PRTFDC1: variants seen among roughly 807,000 people sequenced by gnomAD.
PRTFDC1 encodes phosphoribosyltransferase domain-containing protein 1.
A neutral mutation model predicts 34.6 loss-of-function variants in PRTFDC1; 38 were observed. The observed-to-expected ratio is 1.10, with a 90% CI of 0.85 to 1.44. The LOEUF (loss-of-function observed/expected upper bound fraction) is 1.44. PRTFDC1 is among the 40% of genes most tolerant of loss of function. The pLI is 0.00. For missense variants in PRTFDC1, 270 were observed against 283.0 expected (o/e 0.95, Z 0.33); for synonymous variants, 93 against 98.1 (o/e 0.95, Z 0.31).
chr10:24,875,775 C>G lies in PRTFDC1; in HGVS notation c.340-3712G>C, dbSNP rs1049865586. Among the ~76,000 whole-genome samples, 4 of 151,128 alleles carry G rather than the reference C, an allele frequency of 2.6e-5. No homozygotes were observed. In the South Asian group the frequency reaches 6.3e-4, roughly 24 times the overall value. On this transcript the variant is annotated intron_variant, in intron 3 of 8. Coordinates refer to ENST00000320152, the MANE Select transcript of PRTFDC1 (RefSeq NM_020200.7). ...CATGTCTACTTCAACATTAATTAAT[C>G]TAACATGTCCAATTAATTAATCTAA... is the stretch of plus-strand genomic sequence containing the variant.
intron 1 of PRTFDC1, among the ~76,000 whole-genome samples, chr10:24,947,586 T>C (rs983146384): frequency 6.6e-6 from 1 of 152,204 alleles, no homozygotes; most frequent in African/African-American, 2.4e-5. Context: ...ATTCTCTTTT[T>C]CGCACTGAAG....
chr10:24,872,978 A>AT (rs1847903844), intron 3 of PRTFDC1, among the ~76,000 whole-genome samples: 1 of 150,950 alleles, frequency 6.6e-6, no homozygotes, highest in Non-Finnish European at 1.5e-5. Context: ...TGCCTGGCTA[A>AT]TTTTTTTCTT....
In PRTFDC1 at chr10:24,872,094, A is replaced by G. The variant is rs768463878; in HGVS notation, c.340-31T>C. ...AAAAAGAAGAAAAAAAAGGGAGACAATTTTACCGCACAAGAAAACCTTTAA... is the reference window on the plus strand; with the variant it reads ...AAAAAGAAGAAAAAAAAGGGAGACAGTTTTACCGCACAAGAAAACCTTTAA... On this transcript the variant is annotated intron_variant, in intron 3 of 8. Transcript: ENST00000320152. 3.9e-6 allele frequency: 6 copies of G among 1,550,638 alleles called. No individual in the cohort carries two copies. In the Admixed American group the frequency reaches 8.4e-5, roughly 22 times the overall value.
At chr10:24,871,381 C>T (rs1398753045) in intron 4 of PRTFDC1, among the ~76,000 whole-genome samples, 1 of 152,194 alleles carries the variant, frequency 6.6e-6, no homozygotes, top group Non-Finnish European at 1.5e-5. Context: ...TAGGAAACAA[C>T]TCTTCTTTCC....
chr10:24,951,548 TA>T (rs1454248855), intron 1 of PRTFDC1: 2 of 985,066 alleles, frequency 2.0e-6, no homozygotes, highest in Non-Finnish European at 2.4e-6. Flanking sequence ...CCAGCCCACT[TA>T]CTTTAGTTCA....
intron 3 of PRTFDC1, among the ~76,000 whole-genome samples, chr10:24,931,663 A>C (rs1848973908): frequency 1.3e-5 from 2 of 151,992 alleles, no homozygotes; most frequent in Admixed American, 1.3e-4. Context: ...ACTATTAAAG[A>C]GTGAGAAAAC....
intron 3 of PRTFDC1, among the ~76,000 whole-genome samples, chr10:24,898,770 A>G (rs1848407980): frequency 6.6e-6 from 1 of 152,182 alleles, no homozygotes; most frequent in Non-Finnish European, 1.5e-5. Context: ...GTGTACCACA[A>G]GGATCAGCCT....
At chr10:24,880,807 GTCTTTC>G (rs1317917556) in intron 3 of PRTFDC1, among the ~76,000 whole-genome samples, 15 of 140,084 alleles carry the variant, frequency 1.1e-4, no homozygotes, top group Admixed American at 2.1e-4. Flanking sequence ...CCACTTTACT[GTCTTTC>G]TCTTTCTTTC....
intron 3 of PRTFDC1, among the ~76,000 whole-genome samples, chr10:24,925,218 G>A (rs1251568538): frequency 2.0e-5 from 3 of 152,124 alleles, no homozygotes; most frequent in East Asian, 1.9e-4. Context: ...CTATCACAAG[G>A]ACAGAAAACC....
intron 3 of PRTFDC1, among the ~76,000 whole-genome samples, chr10:24,883,730 ACCCCAAAGACT>A (rs905787073): frequency 4.6e-5 from 7 of 151,108 alleles, no homozygotes; most frequent in African/African-American, 7.3e-5. Context: ...CATCTGAATG[ACCCCAAAGACT>A]CCCCAAAGAC....
chr10:24,866,177 T>C (rs1847770928), intron 4 of PRTFDC1, among the ~76,000 whole-genome samples: 1 of 151,668 alleles, frequency 6.6e-6, no homozygotes. Context: ...CTTGACCAAC[T>C]TGGTGAAACC....
Position 24,942,248 on chromosome 10 carries a change from G to T in PRTFDC1, c.155+82C>A. The T allele has an allele frequency of 1.3e-5, 15 of 1,146,268 alleles. No individual in the cohort carries two copies. In the South Asian group the frequency reaches 1.7e-4, roughly 13 times the overall value. 71.0% of individuals were successfully genotyped at this position (1,146,268 alleles called of 1,614,324 possible). A position where few individuals can be genotyped will look rare whatever the true frequency, so the allele number is the denominator to read the frequency against. On this transcript the variant is annotated intron_variant, in intron 2 of 8. Coordinates refer to ENST00000320152, the MANE Select transcript of PRTFDC1 (RefSeq NM_020200.7). ...CTATAAAACGCAGCTCAGGAATAGG[G>T]TCCTAAAGTATATTGTGGGATTCAC...
chr10:24,856,481 G>T (rs1022100470), intron 6 of PRTFDC1, among the ~76,000 whole-genome samples: 1 of 151,968 alleles, frequency 6.6e-6, no homozygotes, highest in Admixed American at 6.6e-5. Flanking sequence ...CCAGCTACTC[G>T]GGAAGCTGAG....
intron 3 of PRTFDC1, among the ~76,000 whole-genome samples, chr10:24,890,795 C>G (rs12572969): frequency 0.16 from 23,986 of 152,210 alleles, 1,983 homozygotes; most frequent in East Asian, 0.24. Context: ...CTGTGAGAAA[C>G]CTAGCCCTGC....
intron 1 of PRTFDC1, among the ~76,000 whole-genome samples, chr10:24,943,383 A>G (rs1409857744): frequency 6.6e-6 from 1 of 152,156 alleles, no homozygotes; most frequent in Non-Finnish European, 1.5e-5. Context: ...CCTCTCGCTT[A>G]GGACTTGATG....
intron 3 of PRTFDC1, among the ~76,000 whole-genome samples, chr10:24,879,373 C>T (rs567078033): frequency 2.4e-4 from 36 of 150,520 alleles, no homozygotes; most frequent in Middle Eastern, 3.4e-3. Context: ...GATGGGGTTT[C>T]GCTCTTGTTA....
intron 1 of PRTFDC1, among the ~76,000 whole-genome samples, chr10:24,949,715 G>GTTTATTTATTTATTTA (rs200179383): frequency 6.9e-6 from 1 of 144,060 alleles, no homozygotes; most frequent in Non-Finnish European, 1.5e-5. Flanking sequence ...CATTTTTTTT[G>GTTTATTTATTTATTTA]TTTATTTATT....
chr10:24,948,962 TTGCTACTTA>T (rs1588629428), intron 1 of PRTFDC1, among the ~76,000 whole-genome samples: 2 of 152,340 alleles, frequency 1.3e-5, no homozygotes, highest in East Asian at 3.9e-4. Context: ...CTTCTGCCAT[TTGCTACTTA>T]TGCGACCTGG....
chr10:24,907,082 C>T (rs552912609), intron 3 of PRTFDC1, among the ~76,000 whole-genome samples: 102 of 152,130 alleles, frequency 6.7e-4, no homozygotes, highest in Non-Finnish European at 1.2e-3. Flanking sequence ...TGCGGTGGCT[C>T]ACACCTGTAA....
Sources: gnomAD v4.1 joint callset for allele counts (sites outside exome capture counted in the v4.1 genomes callset) on GRCh38, gnomAD v4.1.1 for gene constraint, MANE v1.5 for transcripts, NCBI Gene and HGNC (gene_info 2026-07-23, HGNC 2026-07-21) for gene names.